Variants in GOSR1 observed in about 807,000 individuals in gnomAD.
The protein encoded by GOSR1 is golgi SNAP receptor complex member 1.
Under a neutral mutation model 35.5 loss-of-function variants are expected in GOSR1, and 21 were observed. The observed-to-expected ratio is 0.59, with a 90% confidence interval of 0.42 to 0.85. The LOEUF (loss-of-function observed/expected upper bound fraction) is 0.85. Ranked by LOEUF, GOSR1 falls within the 40% of genes least tolerant of loss-of-function variation. The pLI, the probability that GOSR1 is intolerant of heterozygous loss-of-function variation, is 0.00. For synonymous variants in GOSR1, 94 were observed against 106.6 expected (o/e 0.88, Z 0.73); for missense variants, 285 against 309.6 (o/e 0.92, Z 0.60).
intron 7 of GOSR1, among the ~76,000 whole-genome samples, chr17:30,516,003 A>C (rs968317727): frequency 2.0e-5 from 3 of 152,172 alleles, no homozygotes; most frequent in African/African-American, 7.2e-5. Context: ...AAGTGATCCA[A>C]ATCCTAGTGT....
intron 7 of GOSR1, among the ~76,000 whole-genome samples, chr17:30,519,144 C>A (rs12944483): frequency 4.6e-5 from 7 of 151,806 alleles, no homozygotes; most frequent in Admixed American, 4.6e-4. Flanking sequence ...CGCTGTAGCC[C>A]CCCCCTCCTG....
intron 4 of GOSR1, among the ~76,000 whole-genome samples, chr17:30,485,365 C>T (rs1914616554): frequency 6.6e-6 from 1 of 151,890 alleles, no homozygotes; most frequent in African/African-American, 2.4e-5. Flanking sequence ...CTCCCAAGCT[C>T]AAACAAGCCT....
At chr17:30,508,980 C>CT (rs960081547) in intron 6 of GOSR1, among the ~76,000 whole-genome samples, 82 of 147,222 alleles carry the variant, frequency 5.6e-4, no homozygotes, top group African/African-American at 6.7e-4. Flanking sequence ...GTATTTATGA[C>CT]TTTTTTTTTT....
rs1391779861 is a variant in GOSR1 at position 30,526,618 on chromosome 17, G to A, written c.*4240G>A. ...CCTGTGATGGAAGATGTTTCCTCTT[G>A]AAAAAATGCCAATACAGATTTTTAA... is the stretch of plus-strand genomic sequence containing the variant. On this transcript the variant is annotated 3_prime_UTR_variant, in exon 9 of 9. Transcript: ENST00000451249. The A allele has an allele frequency of 1.3e-5, 2 of 152,592 alleles. No homozygotes were observed. Among genetic ancestry groups the A allele is most frequent in the Non-Finnish European group, 2.9e-5 (2 of 68,024 alleles). 9.5% of individuals were successfully genotyped at this position (152,592 alleles called of 1,614,324 possible).
chr17:30,513,526 A>G (rs1483432176), intron 7 of GOSR1, among the ~76,000 whole-genome samples: 2 of 152,220 alleles, frequency 1.3e-5, no homozygotes, highest in Non-Finnish European at 2.9e-5. Flanking sequence ...TGCATCTTCA[A>G]CAAGTTAACA....
intron 8 of GOSR1, 168 bp downstream of exon 8, chr17:30,520,189 T>G: frequency 1.9e-6 from 1 of 514,650 alleles, no homozygotes; most frequent in East Asian, 3.1e-5. Context: ...TTTATGCTCT[T>G]TAGTACCATT....
chr17:30,509,735 T>C (rs1967545020), intron 6 of GOSR1, among the ~76,000 whole-genome samples: 1 of 152,212 alleles, frequency 6.6e-6, no homozygotes, highest in South Asian at 2.1e-4. Flanking sequence ...GGCAGACAAT[T>C]TACAGATAAA....
rs1188207795 is a variant in GOSR1 at position 30,477,476 on chromosome 17, A to C, written c.31+12A>C. On this transcript the variant is annotated intron_variant, in intron 1 of 8. Coordinates refer to ENST00000451249, the MANE Select transcript of GOSR1 (RefSeq NM_001007025.2). The stretch of plus-strand genomic sequence containing the variant: ...CAGTTACTGGGAAGGTGAGGGCGAG[A>C]AGGCCTCCGGGTGCGTCCTACGAGG... The C allele has an allele frequency of 6.2e-7, 1 of 1,607,064 alleles. No individual in the cohort carries two copies. The highest frequency in any genetic ancestry group is 8.5e-7 in the Non-Finnish European group (1 of 1,175,876).
rs1163529022 is a variant in GOSR1 at position 30,522,931 on chromosome 17, TCA to T, written c.*554_*555del. The T allele has an allele frequency of 5.3e-6, 1 of 190,396 alleles. No individual in the cohort carries two copies. The highest frequency in any genetic ancestry group is 6.2e-5 in the Admixed American group (1 of 16,068). 11.8% of individuals were successfully genotyped at this position (190,396 alleles called of 1,614,324 possible). A position where few individuals can be genotyped will look rare whatever the true frequency, so the allele number is the denominator to read the frequency against. ...AACCTCCCTGCCTGATTCTCCTGCCTCAGCCTGCCGAGTGCCTGCAATTGCAG... is the reference window on the plus strand; with the variant it reads ...AACCTCCCTGCCTGATTCTCCTGCCTGCCTGCCGAGTGCCTGCAATTGCAG... On this transcript the variant is annotated 3_prime_UTR_variant, in exon 9 of 9. Transcript: ENST00000451249.
At chr17:30,518,182 G>A (rs977445159) in intron 7 of GOSR1, among the ~76,000 whole-genome samples, 3 of 152,168 alleles carry the variant, frequency 2.0e-5, no homozygotes, top group Non-Finnish European at 4.4e-5. Context: ...GAAGCCCTAG[G>A]TCTTTGCCTC....
chr17:30,509,607 T>A (rs896178620), intron 6 of GOSR1, among the ~76,000 whole-genome samples: 8 of 152,250 alleles, frequency 5.3e-5, no homozygotes, highest in African/African-American at 1.9e-4. Flanking sequence ...GATACAGATG[T>A]CTAGAAGTTT....
In GOSR1 at chr17:30,510,911, T is replaced by A. The variant is rs746929356; in HGVS notation, c.539+2T>A. On this transcript the variant is annotated splice_donor_variant, in intron 7 of 8. Coordinates refer to ENST00000451249, the MANE Select transcript of GOSR1 (RefSeq NM_001007025.2). LOFTEE classifies it high-confidence loss of function. ...TCGTCTGATAGAAGAGACAATAAGG[T>A]AGGAATAAGTTTTTGTTTTGCTTTG... 2 of 1,540,308 alleles carry A rather than the reference T, an allele frequency of 1.3e-6. No homozygotes were observed.
At chr17:30,496,726 T>C (rs898159548) in intron 6 of GOSR1, among the ~76,000 whole-genome samples, 1 of 152,214 alleles carries the variant, frequency 6.6e-6, no homozygotes, top group Non-Finnish European at 1.5e-5. Flanking sequence ...GGGAATTTCA[T>C]TCACAATGTC....
rs569650912 is a variant in GOSR1, at chr17:30,488,533, A to G, written c.343-1593A>G. Among the ~76,000 whole-genome samples the G allele has an allele frequency of 3.8e-5, 5 of 131,424 alleles. No individual in the cohort carries two copies. The South Asian group carries it at 7.3e-4, about 19-fold the overall frequency. 86.2% of individuals were successfully genotyped at this position (131,424 alleles called of 152,430 possible). Reference sequence around the variant, plus strand: ...ATATGTAAGAATGTTTATTGGCAGTATTTTTTTTTTTTTTTTTTGAAACAG... The same window carrying G: ...ATATGTAAGAATGTTTATTGGCAGTGTTTTTTTTTTTTTTTTTTGAAACAG... On this transcript the variant is annotated intron_variant, in intron 4 of 8. Transcript: ENST00000451249.
intron 5 of GOSR1, among the ~76,000 whole-genome samples, chr17:30,490,859 A>T (rs1298652669): frequency 6.6e-6 from 1 of 152,128 alleles, no homozygotes; most frequent in Non-Finnish European, 1.5e-5. Flanking sequence ...TTACAACTGA[A>T]CACTACTGAC....
chr17:30,502,034 A>C (rs1967227388), intron 6 of GOSR1, among the ~76,000 whole-genome samples: 1 of 152,256 alleles, frequency 6.6e-6, no homozygotes, highest in Admixed American at 6.5e-5. Context: ...AGTCATACAA[A>C]GTAATAAGCC....
At chr17:30,482,471 C>T (rs991092755) in intron 2 of GOSR1, among the ~76,000 whole-genome samples, 5 of 152,122 alleles carry the variant, frequency 3.3e-5, no homozygotes, top group South Asian at 2.1e-4. Flanking sequence ...ATATACCTAG[C>T]GGTGAAATTG....
intron 6 of GOSR1, among the ~76,000 whole-genome samples, chr17:30,493,948 T>C (rs1275279746): frequency 6.6e-6 from 1 of 152,190 alleles, no homozygotes; most frequent in Non-Finnish European, 1.5e-5. Context: ...TCTAAATTCC[T>C]AAATCAGAAT....
At chr17:30,509,559 AT>A (rs1967539765) in intron 6 of GOSR1, among the ~76,000 whole-genome samples, 1 of 152,226 alleles carries the variant, frequency 6.6e-6, no homozygotes, top group Non-Finnish European at 1.5e-5. Flanking sequence ...ACATGCAGAT[AT>A]TTATTTGAGT....
Sources: gnomAD v4.1 joint callset for allele counts (sites outside exome capture counted in the v4.1 genomes callset) on GRCh38, gnomAD v4.1.1 for gene constraint, MANE v1.5 for transcripts, NCBI Gene and HGNC (gene_info 2026-07-23, HGNC 2026-07-21) for gene names.